PIAS1: variants seen among roughly 807,000 people sequenced by gnomAD.
PIAS1 encodes the protein E3 SUMO-protein ligase PIAS1.
Under a neutral mutation model 71.3 loss-of-function variants are expected in PIAS1, and 6 were observed. The observed-to-expected ratio is 0.08, with a 90% confidence interval of 0.05 to 0.17. The LOEUF (loss-of-function observed/expected upper bound fraction) is 0.17, where lower values mean the gene tolerates loss of function less well. PIAS1 is among the 10% of genes least tolerant of loss of function. The pLI is 1.00. For missense variants in PIAS1, 555 were observed against 793.6 expected (o/e 0.70, Z 3.61); for synonymous variants, 303 against 292.9 (o/e 1.03, Z -0.35).
intron 2 of PIAS1, among the ~76,000 whole-genome samples, chr15:68,141,745 G>A (rs927951886): frequency 6.6e-5 from 10 of 151,556 alleles, no homozygotes; most frequent in Non-Finnish European, 1.5e-4. Flanking sequence ...GTGTTATTCT[G>A]GAATTAGCCA....
At chr15:68,162,338 G>C (rs2092929832) in intron 7 of PIAS1, among the ~76,000 whole-genome samples, 1 of 152,124 alleles carries the variant, frequency 6.6e-6, no homozygotes, top group African/African-American at 2.4e-5. Context: ...AATATGCAAA[G>C]TTCAAAGTCA....
chr15:68,156,859 G>A (rs767411775), intron 7 of PIAS1, among the ~76,000 whole-genome samples: 4 of 152,096 alleles, frequency 2.6e-5, no homozygotes, highest in African/African-American at 9.7e-5. Flanking sequence ...TAAATGACAC[G>A]ATTACATTTA....
chr15:68,078,510 A>C (rs146950718), intron 1 of PIAS1, among the ~76,000 whole-genome samples: 1 of 152,154 alleles, frequency 6.6e-6, no homozygotes, highest in African/African-American at 2.4e-5. Context: ...TGCTCATGTT[A>C]TACTGTATAA....
intron 1 of PIAS1, among the ~76,000 whole-genome samples, chr15:68,070,407 G>A (rs2092082290): frequency 6.6e-6 from 1 of 152,202 alleles, no homozygotes; most frequent in African/African-American, 2.4e-5. Context: ...TTTGAGGGTG[G>A]TGCAGGTTCT....
At chr15:68,071,836 T>G (rs1327154108) in intron 1 of PIAS1, among the ~76,000 whole-genome samples, 1 of 151,684 alleles carries the variant, frequency 6.6e-6, no homozygotes, top group Admixed American at 6.6e-5. Flanking sequence ...TAGTCCCAGC[T>G]ACTTGGGAGG....
rs1358040456 is a variant in PIAS1 at position 68,188,361 on chromosome 15, T to G, written c.*526T>G. 6.4e-6 allele frequency: 1 copy of G among 155,678 alleles called. No individual in the cohort carries two copies. The highest frequency in any genetic ancestry group is 2.4e-5 in the African/African-American group (1 of 41,460). The allele number at this position is 155,678 out of a possible 1,614,324, so 9.6% of individuals were successfully genotyped here. Reference sequence around the variant, plus strand: ...GTGCATATTTTATCCAGCCTTAAGTTATAAAGCTCATCTGTCCCGCTGCAT... The same window carrying G: ...GTGCATATTTTATCCAGCCTTAAGTGATAAAGCTCATCTGTCCCGCTGCAT... On this transcript the variant is annotated 3_prime_UTR_variant, in exon 14 of 14. Coordinates refer to ENST00000249636, the MANE Select transcript of PIAS1 (RefSeq NM_016166.3).
At chr15:68,142,489 T>A (rs572519447) in intron 4 of PIAS1, 152 bp downstream of exon 4, 20 of 558,682 alleles carry the variant, frequency 3.6e-5, no homozygotes, top group South Asian at 1.4e-4. Context: ...GGAAAAAAAA[T>A]TTTAAGGAAT....
chr15:68,180,093 G>A (rs1357088998), intron 11 of PIAS1, among the ~76,000 whole-genome samples: 1 of 151,704 alleles, frequency 6.6e-6, no homozygotes, highest in Non-Finnish European at 1.5e-5. Context: ...TTCAAAATTA[G>A]CTTTGTTTTT....
At chr15:68,084,967 A>T (rs561659650) in intron 1 of PIAS1, among the ~76,000 whole-genome samples, 1 of 152,266 alleles carries the variant, frequency 6.6e-6, no homozygotes, top group South Asian at 2.1e-4. Flanking sequence ...GAAGTAAAGG[A>T]AGGACTCATA....
intron 2 of PIAS1, among the ~76,000 whole-genome samples, chr15:68,138,959 G>A (rs912789654): frequency 1.3e-5 from 2 of 152,218 alleles, no homozygotes; most frequent in Non-Finnish European, 2.9e-5. Context: ...GATTAGTTCA[G>A]TGCTGTGTGG....
rs148747762 is a variant in PIAS1, at chr15:68,108,584, C to T, written c.469+21834C>T. 7.7e-4 allele frequency among the ~76,000 whole-genome samples: 118 copies of T among 152,276 alleles called. 1 individual carries two copies. Among genetic ancestry groups the T allele is most frequent in the African/African-American group, 2.6e-3 (110 of 41,564 alleles). On this transcript the variant is annotated intron_variant, in intron 2 of 13. Coordinates refer to ENST00000249636, the MANE Select transcript of PIAS1 (RefSeq NM_016166.3). ...TATCTCAAGACCTCTCTCATGAGTT[C>T]TGGAGTTTCATCCGACTGCCTGCTT...
intron 2 of PIAS1, among the ~76,000 whole-genome samples, chr15:68,118,512 A>G (rs1427948494): frequency 6.6e-6 from 1 of 151,700 alleles, no homozygotes; most frequent in African/African-American, 2.4e-5. Context: ...AAGTCTTTTA[A>G]TTTTTTTCTT....
Position 68,179,576 on chromosome 15 carries a change from T to TTTTTTTTTTTTTTTTTG in PIAS1, c.1482-1635_1482-1619dup, listed in dbSNP as rs2093040876. Among the ~76,000 whole-genome samples, 2 of 119,528 alleles carry TTTTTTTTTTTTTTTTTG rather than the reference T, an allele frequency of 1.7e-5. 1 individual carries two copies. Among genetic ancestry groups the TTTTTTTTTTTTTTTTTG allele is most frequent in the Non-Finnish European group, 3.5e-5 (2 of 56,458 alleles). 78.4% of individuals were successfully genotyped at this position (119,528 alleles called of 152,430 possible). On this transcript the variant is annotated intron_variant, in intron 11 of 13. Coordinates refer to ENST00000249636, the MANE Select transcript of PIAS1 (RefSeq NM_016166.3). ...CTCGTGAAATGTTCTTTTTTTTTTT[T>TTTTTTTTTTTTTTTTTG]TTTTTTTTTTTTTTTTGAGACAGAG...
At chr15:68,077,551 A>G (rs1372663668) in intron 1 of PIAS1, among the ~76,000 whole-genome samples, 2 of 152,352 alleles carry the variant, frequency 1.3e-5, no homozygotes, top group African/African-American at 4.8e-5. Flanking sequence ...CAGCTTTTAA[A>G]GGTTGTGAAC....
Position 68,130,688 on chromosome 15 carries a change from A to G in PIAS1, c.470-11258A>G, listed in dbSNP as rs1359315701. Among the ~76,000 whole-genome samples the G allele has an allele frequency of 2.7e-5, 4 of 150,050 alleles. No homozygotes were observed. The East Asian group carries it at 5.8e-4, about 22-fold the overall frequency. On this transcript the variant is annotated intron_variant, in intron 2 of 13. Coordinates refer to ENST00000249636, the MANE Select transcript of PIAS1 (RefSeq NM_016166.3). ...CACTTAAAAAAAAAAAAAAAAAGCT[A>G]TCATTCAGTTTCACTTTTTGAATAT...
intron 2 of PIAS1, among the ~76,000 whole-genome samples, chr15:68,094,237 G>T (rs1310439059): frequency 2.6e-5 from 4 of 151,614 alleles, no homozygotes; most frequent in Non-Finnish European, 4.4e-5. Context: ...CAACCTAGAT[G>T]TGCTGGGCGT....
chr15:68,093,392 C>CT (rs2092348787), intron 2 of PIAS1, among the ~76,000 whole-genome samples: 3 of 152,246 alleles, frequency 2.0e-5, no homozygotes, highest in African/African-American at 7.2e-5. Context: ...TGCGGAAGCA[C>CT]TGTAGAGTTG....
intron 1 of PIAS1, among the ~76,000 whole-genome samples, chr15:68,085,766 A>C (rs923891531): frequency 1.3e-5 from 2 of 152,212 alleles, no homozygotes; most frequent in Admixed American, 6.5e-5. Context: ...TAATTGGTCA[A>C]AAAAGGTGTA....
chr15:68,104,992 G>T (rs1051559049), intron 2 of PIAS1, among the ~76,000 whole-genome samples: 7 of 152,154 alleles, frequency 4.6e-5, no homozygotes, highest in Non-Finnish European at 1.0e-4. Flanking sequence ...GGACTATAGT[G>T]TATAGCTAAG....
Sources: allele counts gnomAD v4.1 joint callset (sites outside exome capture counted in the v4.1 genomes callset), GRCh38; gene constraint gnomAD v4.1.1; transcripts MANE v1.5; gene names NCBI Gene and HGNC (gene_info 2026-07-23, HGNC 2026-07-21).